RNF150: variants seen among roughly 807,000 people sequenced by gnomAD.
RNF150 encodes ring finger protein 150.
A neutral mutation model predicts 39.3 loss-of-function variants in RNF150; 24 were observed. That is an observed-to-expected ratio of 0.61 (90% CI 0.44 to 0.86). The LOEUF (loss-of-function observed/expected upper bound fraction) is 0.86. RNF150 is among the 40% of genes least tolerant of loss of function. The pLI, the probability that RNF150 is intolerant of heterozygous loss-of-function variation, is 0.00. For synonymous variants in RNF150, 255 were observed against 227.3 expected (o/e 1.12, Z -1.10); for missense variants, 502 against 587.8 (o/e 0.85, Z 1.51).
At chr4:141,193,019 A>G (rs1265983375) in intron 1 of RNF150, among the ~76,000 whole-genome samples, 1 of 151,260 alleles carries the variant, frequency 6.6e-6, no homozygotes, top group Non-Finnish European at 1.5e-5. Context: ...CTTCTCTAAA[A>G]CTCCATTTCC....
intron 1 of RNF150, among the ~76,000 whole-genome samples, chr4:141,120,008 A>G (rs943993394): frequency 6.6e-6 from 1 of 152,258 alleles, no homozygotes; most frequent in Non-Finnish European, 1.5e-5. Context: ...TGAGCAGTAC[A>G]TCTGAGAATT....
At chr4:141,212,631 T>C (rs1372568126) in intron 1 of RNF150, among the ~76,000 whole-genome samples, 1 of 152,172 alleles carries the variant, frequency 6.6e-6, no homozygotes, top group African/African-American at 2.4e-5. Context: ...GAGGCTGTTG[T>C]TCACTGTTGG....
intron 4 of RNF150, among the ~76,000 whole-genome samples, chr4:140,942,758 T>C (rs1178022003): frequency 6.6e-6 from 1 of 152,176 alleles, no homozygotes; most frequent in Non-Finnish European, 1.5e-5. Context: ...ATATGGAGCA[T>C]TTTGGATTTG....
intron 1 of RNF150, among the ~76,000 whole-genome samples, chr4:141,112,985 T>A (rs1208677517): frequency 6.6e-6 from 1 of 152,050 alleles, no homozygotes; most frequent in African/African-American, 2.4e-5. Flanking sequence ...GATCTTCAAT[T>A]TCTGATAACC....
At chr4:141,119,811 T>C (rs530554616) in intron 1 of RNF150, among the ~76,000 whole-genome samples, 1 of 152,158 alleles carries the variant, frequency 6.6e-6, no homozygotes, top group Non-Finnish European at 1.5e-5. Context: ...GGAGGTACCT[T>C]ATAAGGGGTT....
intron 1 of RNF150, among the ~76,000 whole-genome samples, chr4:140,968,821 T>C (rs900622938): frequency 6.6e-6 from 1 of 151,670 alleles, no homozygotes; most frequent in Non-Finnish European, 1.5e-5. Flanking sequence ...TTCAGTAATA[T>C]CATACCAGAT....
At chr4:140,920,630 G>C (rs192476892) in intron 5 of RNF150, among the ~76,000 whole-genome samples, 5 of 149,028 alleles carry the variant, frequency 3.4e-5, no homozygotes, top group Admixed American at 6.8e-5. Context: ...TCGGTGTGGC[G>C]ATTCCTCAGG....
At chr4:140,995,259 C>G (rs1480535176) in intron 1 of RNF150, among the ~76,000 whole-genome samples, 2 of 152,138 alleles carry the variant, frequency 1.3e-5, no homozygotes, top group Non-Finnish European at 2.9e-5. Flanking sequence ...AATTCAAGGG[C>G]AAGCCAGTGG....
At chr4:140,943,071 A>G (rs1013670730) in intron 4 of RNF150, among the ~76,000 whole-genome samples, 3 of 152,214 alleles carry the variant, frequency 2.0e-5, no homozygotes, top group African/African-American at 7.2e-5. Context: ...GTTTTATCTC[A>G]GTAGAAAATT....
chr4:140,958,991 T>C (rs775240363), intron 2 of RNF150, among the ~76,000 whole-genome samples: 2 of 152,158 alleles, frequency 1.3e-5, no homozygotes, highest in Non-Finnish European at 2.9e-5. Flanking sequence ...TTTTAACAGG[T>C]GAAGAGTCTG....
intron 1 of RNF150, among the ~76,000 whole-genome samples, chr4:141,196,545 A>G (rs1728204080): frequency 6.6e-6 from 1 of 152,202 alleles, no homozygotes; most frequent in African/African-American, 2.4e-5. Context: ...GAATTGCTCC[A>G]TTATGCTTCC....
chr4:141,015,855 A>C (rs566812371), intron 1 of RNF150, among the ~76,000 whole-genome samples: 2 of 152,262 alleles, frequency 1.3e-5, no homozygotes, highest in African/African-American at 4.8e-5. Flanking sequence ...CAGTCCAAGG[A>C]AGTATCTCAG....
intron 2 of RNF150, among the ~76,000 whole-genome samples, chr4:140,950,148 T>A (rs961221950): frequency 6.6e-6 from 1 of 152,148 alleles, no homozygotes; most frequent in Non-Finnish European, 1.5e-5. Flanking sequence ...AGCAAAAAAA[T>A]TGCATGTGAG....
intron 1 of RNF150, 72 bp from the exon 2 acceptor site, chr4:140,967,945 T>G: frequency 7.3e-7 from 1 of 1,377,574 alleles, no homozygotes; most frequent in Non-Finnish European, 1.0e-6. Context: ...GTGAGATGTG[T>G]GGACACAGTA....
intron 4 of RNF150, among the ~76,000 whole-genome samples, chr4:140,932,588 C>G (rs1233956721): frequency 6.6e-6 from 1 of 152,140 alleles, no homozygotes; most frequent in Non-Finnish European, 1.5e-5. Context: ...GTATTCAAAC[C>G]TTTATTCTTT....
At chr4:141,120,381 A>C (rs1726569399) in intron 1 of RNF150, among the ~76,000 whole-genome samples, 1 of 152,154 alleles carries the variant, frequency 6.6e-6, no homozygotes, top group Admixed American at 6.5e-5. Context: ...AGAATCTGAA[A>C]AAATTGAGGG....
intron 2 of RNF150, among the ~76,000 whole-genome samples, chr4:140,965,602 C>T (rs72722387): frequency 0.068 from 10,356 of 152,100 alleles, 485 homozygotes; most frequent in Admixed American, 0.11. Context: ...TGACATTTGC[C>T]ACAACATAGA....
upstream of RNF150, among the ~76,000 whole-genome samples, chr4:141,134,884 C>A (rs1006877826): frequency 2.0e-5 from 3 of 152,210 alleles, no homozygotes; most frequent in Non-Finnish European, 4.4e-5. Context: ...TAGCAACCCA[C>A]AGTGTTTCCC....
chr4:140,908,658 C>T (rs889326707), intron 6 of RNF150, among the ~76,000 whole-genome samples: 30 of 152,142 alleles, frequency 2.0e-4, no homozygotes, highest in Non-Finnish European at 1.2e-4. Context: ...ATGAACTAAA[C>T]ACTCTGAGTC....
Sources: allele counts gnomAD v4.1 joint callset (sites outside exome capture counted in the v4.1 genomes callset), GRCh38; gene constraint gnomAD v4.1.1; transcripts MANE v1.5; gene names NCBI Gene and HGNC (gene_info 2026-07-23, HGNC 2026-07-21).